NR3C2: variants seen among roughly 807,000 people sequenced by gnomAD.
NR3C2 encodes the protein nuclear receptor subfamily 3 group C member 2, also known as mineralocorticoid receptor.
NR3C2 carries 15 observed loss-of-function variants against 86.4 expected under a neutral mutation model. The ratio of observed to expected loss-of-function variants is 0.17; its 90% CI spans 0.12 to 0.27. The LOEUF is 0.27. Among genes scored for constraint, NR3C2 ranks in the 10% least tolerant of loss-of-function variants. The pLI, the probability that NR3C2 is intolerant of heterozygous loss-of-function variation, is 1.00. For synonymous variants in NR3C2, 458 were observed against 450.5 expected (o/e 1.02, Z -0.21); for missense variants, 960 against 1,195.6 (o/e 0.80, Z 2.91).
At chr4:148,142,477 T>A (rs1733658911) in intron 6 of NR3C2, among the ~76,000 whole-genome samples, 1 of 152,036 alleles carries the variant, frequency 6.6e-6, no homozygotes, top group Non-Finnish European at 1.5e-5. Context: ...GGTGATTGGA[T>A]CTCAGGGGTG....
Position 148,118,292 on chromosome 4 carries a change from T to C in NR3C2, c.2641+1866A>G, listed in dbSNP as rs1431788877. Among the ~76,000 whole-genome samples, 6 of 152,198 alleles carry C rather than the reference T, an allele frequency of 3.9e-5. No individual in the cohort carries two copies. The South Asian group carries it at 1.2e-3, about 32-fold the overall frequency. ...CCCTGGCATGCTGGCACCTGCACGA[T>C]GCCTAATGGTCAACTCCAGTGGCCT... is the stretch of plus-strand genomic sequence containing the variant. On this transcript the variant is annotated intron_variant, in intron 7 of 8. Coordinates refer to ENST00000358102, the MANE Select transcript of NR3C2 (RefSeq NM_000901.5).
At chr4:148,422,515 C>T (rs967255283) in intron 2 of NR3C2, among the ~76,000 whole-genome samples, 6 of 151,930 alleles carry the variant, frequency 3.9e-5, no homozygotes, top group African/African-American at 1.5e-4. Flanking sequence ...TCAAACGTAT[C>T]GAAAAAATAT....
intron 2 of NR3C2, among the ~76,000 whole-genome samples, chr4:148,432,608 A>G (rs11929719): frequency 0.27 from 41,732 of 152,042 alleles, 6,570 homozygotes; most frequent in Middle Eastern, 0.53. Flanking sequence ...GATACTATTA[A>G]ACCTAGAAGC....
intron 4 of NR3C2, among the ~76,000 whole-genome samples, chr4:148,178,966 CA>C (rs1735522594): frequency 7.4e-6 from 1 of 136,010 alleles, no homozygotes; most frequent in Non-Finnish European, 1.6e-5. Flanking sequence ...AACAACAAAA[CA>C]AAACAAAGAG....
intron 2 of NR3C2, among the ~76,000 whole-genome samples, chr4:148,276,410 A>G (rs771744263): frequency 1.3e-5 from 2 of 152,182 alleles, no homozygotes; most frequent in Admixed American, 6.6e-5. Context: ...GACTCAGAAT[A>G]CACTAATGAA....
intron 8 of NR3C2, among the ~76,000 whole-genome samples, chr4:148,097,540 A>G (rs771933404): frequency 2.0e-5 from 3 of 152,276 alleles, no homozygotes; most frequent in Non-Finnish European, 4.4e-5. Context: ...CCTACTTGCT[A>G]AAAGTCACAT....
At chr4:148,376,314 CTGCGCCACAGCT>C (rs1387440420) in intron 2 of NR3C2, among the ~76,000 whole-genome samples, 1 of 152,068 alleles carries the variant, frequency 6.6e-6, no homozygotes, top group African/African-American at 2.4e-5. Flanking sequence ...AAAAAAGAAT[CTGCGCCACAGCT>C]TGGCAGTTGG....
chr4:148,240,105 C>A lies in NR3C2; in HGVS notation c.1897+19873G>T, dbSNP rs533220318. Among the ~76,000 whole-genome samples the A allele has an allele frequency of 4.6e-5, 7 of 151,794 alleles. No homozygotes were observed. The East Asian group carries it at 1.4e-3, about 29-fold the overall frequency. ...AGTAAAAATAAGTAGGTGAAATTAA[C>A]TTTAGTAGTATATTTTTATTTAACC... On this transcript the variant is annotated intron_variant, in intron 3 of 8. Coordinates refer to ENST00000358102, the MANE Select transcript of NR3C2 (RefSeq NM_000901.5).
At chr4:148,421,155 C>T (rs1749262455) in intron 2 of NR3C2, among the ~76,000 whole-genome samples, 1 of 152,186 alleles carries the variant, frequency 6.6e-6, no homozygotes, top group Non-Finnish European at 1.5e-5. Flanking sequence ...TAGCACCTCC[C>T]TATTTTTAGG....
At chr4:148,301,815 C>A (rs182298719) in intron 2 of NR3C2, among the ~76,000 whole-genome samples, 2 of 152,084 alleles carry the variant, frequency 1.3e-5, no homozygotes, top group Non-Finnish European at 2.9e-5. Context: ...CTACGGAGGA[C>A]CCCGGAGCAC....
chr4:148,201,926 GT>G (rs1560975075), intron 3 of NR3C2, among the ~76,000 whole-genome samples: 6 of 152,148 alleles, frequency 3.9e-5, no homozygotes. Flanking sequence ...CTCAGGGAGA[GT>G]TAGATATGAG....
intron 2 of NR3C2, among the ~76,000 whole-genome samples, chr4:148,279,421 G>A (rs1287584362): frequency 6.6e-6 from 1 of 152,192 alleles, no homozygotes; most frequent in African/African-American, 2.4e-5. Context: ...ATTATTGGAT[G>A]AGCGATAACT....
At chr4:148,281,513 C>G (rs1489059208) in intron 2 of NR3C2, among the ~76,000 whole-genome samples, 1 of 152,166 alleles carries the variant, frequency 6.6e-6, no homozygotes, top group East Asian at 1.9e-4. Context: ...AATTTGACTG[C>G]AAAACATTGA....
intron 8 of NR3C2, among the ~76,000 whole-genome samples, chr4:148,094,171 G>A (rs1014716225): frequency 1.3e-5 from 2 of 152,104 alleles, no homozygotes; most frequent in Non-Finnish European, 2.9e-5. Context: ...CATTAGGATG[G>A]CTATTATCAA....
chr4:148,105,422 T>C (rs1330954207), intron 8 of NR3C2, among the ~76,000 whole-genome samples: 1 of 152,154 alleles, frequency 6.6e-6, no homozygotes, highest in Non-Finnish European at 1.5e-5. Flanking sequence ...ACTAGACGGA[T>C]TCACAGCCGA....
intron 8 of NR3C2, among the ~76,000 whole-genome samples, chr4:148,112,158 TG>T (rs986602237): frequency 9.2e-5 from 14 of 151,848 alleles, no homozygotes; most frequent in Non-Finnish European, 4.4e-5. Flanking sequence ...TTTTGACCCA[TG>T]GACCACTAGG....
At chr4:148,094,894 C>CT (rs56765039) in intron 8 of NR3C2, among the ~76,000 whole-genome samples, 35,045 of 152,004 alleles carry the variant, frequency 0.23, 4,902 homozygotes, top group African/African-American at 0.39. Context: ...CTGATACATG[C>CT]TACAGCACCA....
chr4:148,367,347 G>T (rs1002408898), intron 2 of NR3C2, among the ~76,000 whole-genome samples: 1 of 152,038 alleles, frequency 6.6e-6, no homozygotes, highest in Non-Finnish European at 1.5e-5. Context: ...ATCGGTCTAT[G>T]TCATATTATA....
intron 2 of NR3C2, among the ~76,000 whole-genome samples, chr4:148,279,909 G>C (rs563409749): frequency 2.0e-5 from 3 of 152,038 alleles, no homozygotes; most frequent in Non-Finnish European, 4.4e-5. Flanking sequence ...ATTTTTAGTA[G>C]AGACGGGGTT....
Sources: gnomAD v4.1 joint callset for allele counts (sites outside exome capture counted in the v4.1 genomes callset) on GRCh38, gnomAD v4.1.1 for gene constraint, MANE v1.5 for transcripts, NCBI Gene and HGNC (gene_info 2026-07-23, HGNC 2026-07-21) for gene names.